Variants in PRDX4 observed in about 807,000 individuals in gnomAD.
The protein encoded by PRDX4 is peroxiredoxin-4.
In PRDX4, 12 loss-of-function variants were observed where a neutral mutation model predicts 20.5. That is an observed-to-expected ratio of 0.58 (90% CI 0.37 to 0.95). PRDX4 has a LOEUF of 0.95. Ranked by LOEUF, PRDX4 falls within the 40% of genes least tolerant of loss-of-function variation. PRDX4 has a pLI of 0.01. For synonymous variants in PRDX4, 99 were observed against 87.5 expected, an observed-to-expected ratio of 1.13 and a Z score of -0.73; for missense variants, 180 against 207.3, an observed-to-expected ratio of 0.87 and a Z score of 0.81.
intron 4 of PRDX4, among the ~76,000 whole-genome samples, chrX:23,682,174 G>C (rs1928081419): frequency 8.9e-6 from 1 of 111,767 alleles, no homozygotes; most frequent in Non-Finnish European, 1.9e-5. Flanking sequence ...AATTTTTAAA[G>C]CTGCAGTTTT....
chrX:23,671,666 A>G lies in PRDX4; in HGVS notation c.359+20A>G. 3 of 1,034,961 alleles carry G rather than the reference A, an allele frequency of 2.9e-6. No individual in the cohort carries two copies. The highest frequency in any genetic ancestry group is 4.0e-6 in the Non-Finnish European group (3 of 752,960). The allele number at this position is 1,034,961 out of a possible 1,213,427, so 85.3% of individuals were successfully genotyped here. On this transcript the variant is annotated intron_variant, in intron 2 of 6. Coordinates refer to ENST00000379341, the MANE Select transcript of PRDX4 (RefSeq NM_006406.2). ...TGATTTGTAAGTAATACATGTAAAT[A>G]GCTAGTAAAATCTCAGTCTTTATCA...
At position 23,670,872 on chromosome X, in the gene PRDX4, G is replaced by T. The variant is rs191377388; in HGVS notation, c.242-657G>T. 9.8e-5 allele frequency among the ~76,000 whole-genome samples: 11 copies of T among 111,993 alleles called. No individual in the cohort carries two copies. The East Asian group carries it at 1.9e-3, about 20-fold the overall frequency. ...CAGCAGGTCCTCCATGTGTATGTCAGAAGCTGGACAAACTAGTACATCTGG... is the reference window on the plus strand; with the variant it reads ...CAGCAGGTCCTCCATGTGTATGTCATAAGCTGGACAAACTAGTACATCTGG... On this transcript the variant is annotated intron_variant, in intron 1 of 6. Coordinates refer to ENST00000379341, the MANE Select transcript of PRDX4 (RefSeq NM_006406.2).
intron 6 of PRDX4, among the ~76,000 whole-genome samples, chrX:23,684,439 C>T (rs1476211774): frequency 1.8e-5 from 2 of 111,547 alleles, no homozygotes; most frequent in East Asian, 2.8e-4. Context: ...TAATGATTCT[C>T]TCCTTGTCAT....
chrX:23,678,279 GAAAGA>G (rs1927988808), intron 3 of PRDX4, among the ~76,000 whole-genome samples: 1 of 65,956 alleles, frequency 1.5e-5, no homozygotes, highest in African/African-American at 6.8e-5. Flanking sequence ...AAAAAAAAAA[GAAAGA>G]AAGAAACAAC....
At chrX:23,676,545 C>G (rs770886666) in intron 3 of PRDX4, among the ~76,000 whole-genome samples, 1 of 110,505 alleles carries the variant, frequency 9.0e-6, no homozygotes, top group South Asian at 3.8e-4. Context: ...AATCCCAGCA[C>G]TTTGGGAGGT....
chrX:23,669,550 C>A, intron 1 of PRDX4, among the ~76,000 whole-genome samples: 2 of 111,241 alleles, frequency 1.8e-5, no homozygotes, highest in East Asian at 2.8e-4. Flanking sequence ...AAAAACTGTT[C>A]ATAATTAATT....
chrX:23,675,384 G>A (rs976149630), intron 3 of PRDX4: 18 of 398,910 alleles, frequency 4.5e-5, no homozygotes, highest in African/African-American at 3.0e-4. Context: ...TTTCTATAGC[G>A]AAAACCACTG....
chrX:23,668,938 G>A (rs1927787552), intron 1 of PRDX4, among the ~76,000 whole-genome samples: 1 of 105,315 alleles, frequency 9.5e-6, no homozygotes. Flanking sequence ...TTTTATTTGA[G>A]ATGAAGTCTT....
At chrX:23,667,898 G>A (rs1293223586) in intron 1 of PRDX4, 87 bp downstream of exon 1, 13 of 1,155,435 alleles carry the variant, frequency 1.1e-5, no homozygotes, top group Non-Finnish European at 1.5e-5. Context: ...GGCTTGGGCG[G>A]CACCCCCTGG....
At chrX:23,684,540 G>A (rs950973834) in intron 6 of PRDX4, among the ~76,000 whole-genome samples, 6 of 109,732 alleles carry the variant, frequency 5.5e-5, no homozygotes, top group African/African-American at 9.9e-5. Context: ...TTGCTCTGTC[G>A]CCCAGACTGG....
At chrX:23,668,148 C>T (rs1927769227) in intron 1 of PRDX4, among the ~76,000 whole-genome samples, 1 of 112,690 alleles carries the variant, frequency 8.9e-6, no homozygotes, top group Admixed American at 9.3e-5. Context: ...TCAGCACATC[C>T]TGTCTTTTTC....
In PRDX4 at chrX:23,674,974, T is replaced by C. The variant is rs1207495405; in HGVS notation, c.360-16T>C. The C allele has an allele frequency of 8.3e-7, 1 of 1,199,515 alleles. No individual in the cohort carries two copies. The highest frequency in any genetic ancestry group is 1.1e-6 in the Non-Finnish European group (1 of 890,356). On this transcript the variant is annotated splice_polypyrimidine_tract_variant and intron_variant, in intron 2 of 6. Coordinates refer to ENST00000379341, the MANE Select transcript of PRDX4 (RefSeq NM_006406.2). ...ATTTGGAGAATACTGAATATTTTTT[T>C]TTTTTTACCTTTCAGCACATTTGTG...
At chrX:23,686,125 C>A in intron 6 of PRDX4, 160 bp from the exon 7 acceptor site, 1 of 468,047 alleles carries the variant, frequency 2.1e-6, no homozygotes, top group Non-Finnish European at 3.8e-6. Context: ...TTTGGAATAG[C>A]CGAAATTAGT....
intron 4 of PRDX4, 104 bp downstream of exon 4, chrX:23,679,391 A>G: frequency 4.1e-6 from 4 of 977,058 alleles, no homozygotes; most frequent in Non-Finnish European, 5.5e-6. Context: ...TGATCAAGAA[A>G]TATAATTTTG....
chrX:23,684,013 A>T (rs553408650), intron 6 of PRDX4, among the ~76,000 whole-genome samples: 111 of 97,910 alleles, frequency 1.1e-3, no homozygotes, highest in African/African-American at 4.1e-3. Flanking sequence ...ATGCCACTGC[A>T]CTCCATGCTG....
At chrX:23,682,853 A>AAAAAAAAAAAAAAAATATATATAT (rs1555933130) in intron 5 of PRDX4, among the ~76,000 whole-genome samples, 1 of 14,877 alleles carries the variant, frequency 6.7e-5, no homozygotes, top group Admixed American at 1.2e-3. Flanking sequence ...AAAAAAAAAA[A>AAAAAAAAAAAAAAAATATATATAT]ATATATATAT....
chrX:23,682,179 A>G (rs1345437089), intron 4 of PRDX4, among the ~76,000 whole-genome samples: 1 of 112,052 alleles, frequency 8.9e-6, no homozygotes, highest in African/African-American at 3.2e-5. Context: ...TTAAAGCTGC[A>G]GTTTTACAGT....
chrX:23,682,251 G>A (rs1156329165), intron 4 of PRDX4, 145 bp from the exon 5 acceptor site: 2 of 220,744 alleles, frequency 9.1e-6, no homozygotes, highest in Admixed American at 7.7e-5. Flanking sequence ...GTACGTGTGT[G>A]TGTGTGTGTG....
At chrX:23,676,313 T>C (rs1313109669) in intron 3 of PRDX4, among the ~76,000 whole-genome samples, 1 of 111,278 alleles carries the variant, frequency 9.0e-6, no homozygotes, top group East Asian at 2.8e-4. Context: ...TACATTTCCC[T>C]AAGAAATTAA....
Sources: allele counts gnomAD v4.1 joint callset (sites outside exome capture counted in the v4.1 genomes callset), GRCh38; gene constraint gnomAD v4.1.1; transcripts MANE v1.5; gene names NCBI Gene and HGNC (gene_info 2026-07-23, HGNC 2026-07-21).